IGF1R: variants seen among roughly 807,000 people sequenced by gnomAD.
The protein encoded by IGF1R is insulin-like growth factor 1 receptor.
A neutral mutation model predicts 144.6 loss-of-function variants in IGF1R; 44 were observed. The ratio of observed to expected loss-of-function variants is 0.30; its 90% CI spans 0.24 to 0.39. The LOEUF is 0.39. IGF1R is among the 10% of genes least tolerant of loss of function. IGF1R has a pLI of 1.00. For missense variants in IGF1R, 1,355 were observed against 1,833.7 expected, an observed-to-expected ratio of 0.74 and a Z score of 4.77; for synonymous variants, 795 against 722.8, an observed-to-expected ratio of 1.10 and a Z score of -1.60.
chr15:98,649,018 G>T lies in IGF1R; in HGVS notation c.-564G>T. 1 of 202,950 alleles carries T rather than the reference G, an allele frequency of 4.9e-6. No individual in the cohort carries two copies. The highest frequency in any genetic ancestry group is 1.8e-4 in the South Asian group (1 of 5,456). 12.6% of individuals were successfully genotyped at this position (202,950 alleles called of 1,614,324 possible). A position where few individuals can be genotyped will look rare whatever the true frequency, so the allele number is the denominator to read the frequency against. On this transcript the variant is annotated 5_prime_UTR_variant, in exon 1 of 21. Coordinates refer to ENST00000650285, the MANE Select transcript of IGF1R (RefSeq NM_000875.5). ...CGGCGGCGCTGAGGGAGGAGGCGGCGGCGAGCGGAGCCAGGAGGAGGAGGA... is the reference window on the plus strand; with the variant it reads ...CGGCGGCGCTGAGGGAGGAGGCGGCTGCGAGCGGAGCCAGGAGGAGGAGGA...
At chr15:98,657,034 T>A (rs1389485512) in intron 1 of IGF1R, among the ~76,000 whole-genome samples, 1 of 152,230 alleles carries the variant, frequency 6.6e-6, no homozygotes, top group Non-Finnish European at 1.5e-5. Flanking sequence ...TAACTTGAAA[T>A]TTTTCCTGAT....
At chr15:98,816,389 T>C (rs973079732) in intron 2 of IGF1R, among the ~76,000 whole-genome samples, 1 of 152,228 alleles carries the variant, frequency 6.6e-6, no homozygotes, top group Non-Finnish European at 1.5e-5. Context: ...AGATCCCCCT[T>C]TTCAGGGAGC....
In IGF1R at chr15:98,908,848, C is replaced by T. The variant is rs1441621301; in HGVS notation, c.1411C>T (p.Arg471Cys). Reference protein sequence around the residue: ...RMEEVTGTKGRQSKGDINTRN... With the variant: ...RMEEVTGTKGCQSKGDINTRN... Reference sequence around the variant, plus strand: ...GGAGGAAGTGACGGGGACTAAAGGGCGCCAAAGCAAAGGGGACATAAACAC... The same window carrying T: ...GGAGGAAGTGACGGGGACTAAAGGGTGCCAAAGCAAAGGGGACATAAACAC... The change falls in exon 6 of 21, where the codon CGC becomes TGC. Residue 471 changes from arginine (R) to cysteine (C), a missense_variant. Physicochemically the swap from Arg to Cys is radical, Grantham distance 180. Transcript: ENST00000650285. 2.7e-5 allele frequency: 43 copies of T among 1,613,952 alleles called. No homozygotes were observed. Among genetic ancestry groups the T allele is most frequent in the Non-Finnish European group, 3.5e-5 (41 of 1,180,004 alleles).
intron 1 of IGF1R, among the ~76,000 whole-genome samples, chr15:98,656,258 C>T (rs1322317597): frequency 6.6e-6 from 1 of 152,220 alleles, no homozygotes; most frequent in African/African-American, 2.4e-5. Context: ...GCCTACCTTA[C>T]TGCTCACCTG....
chr15:98,718,689 T>C (rs1375522477), intron 2 of IGF1R, among the ~76,000 whole-genome samples: 1 of 152,230 alleles, frequency 6.6e-6, no homozygotes, highest in Non-Finnish European at 1.5e-5. Flanking sequence ...GGACGTGTTT[T>C]AGCAGCTGCT....
intron 2 of IGF1R, among the ~76,000 whole-genome samples, chr15:98,816,032 T>C (rs2056689987): frequency 6.6e-6 from 1 of 152,212 alleles, no homozygotes; most frequent in Non-Finnish European, 1.5e-5. Flanking sequence ...GGGAGGTCCC[T>C]TTCTCCTTTG....
intron 2 of IGF1R, among the ~76,000 whole-genome samples, chr15:98,786,877 C>T (rs990139807): frequency 1.7e-4 from 26 of 152,238 alleles, no homozygotes; most frequent in African/African-American, 5.1e-4. Flanking sequence ...ACTTTGTTGC[C>T]GTCCTAACCT....
rs111731030 is a variant in IGF1R at position 98,947,851 on chromosome 15, G to A, written c.3588-723G>A. ...GACACAGAGGCCCTGCAGGCCAGCA[G>A]CTCCCCAGCTCTGTTGTGGGTGGGG... is the stretch of plus-strand genomic sequence containing the variant. On this transcript the variant is annotated intron_variant, in intron 19 of 20. Coordinates refer to ENST00000650285, the MANE Select transcript of IGF1R (RefSeq NM_000875.5). 1.4e-4 allele frequency among the ~76,000 whole-genome samples: 22 copies of A among 152,304 alleles called. 1 individual carries two copies. The highest frequency in any genetic ancestry group is 4.8e-4 in the African/African-American group (20 of 41,556).
intron 1 of IGF1R, among the ~76,000 whole-genome samples, chr15:98,689,855 G>A (rs1054271777): frequency 2.0e-5 from 3 of 152,154 alleles, no homozygotes; most frequent in Non-Finnish European, 4.4e-5. Context: ...CTCTGAGGGT[G>A]CTTGCTCCCT....
At chr15:98,807,562 C>T (rs1194477303) in intron 2 of IGF1R, among the ~76,000 whole-genome samples, 1 of 152,206 alleles carries the variant, frequency 6.6e-6, no homozygotes, top group East Asian at 1.9e-4. Flanking sequence ...CACTCAGCAG[C>T]CAGATGGGAT....
intron 5 of IGF1R, among the ~76,000 whole-genome samples, chr15:98,899,865 G>T (rs2014391697): frequency 6.6e-6 from 1 of 152,148 alleles, no homozygotes; most frequent in African/African-American, 2.4e-5. Context: ...ATCAGTCAAG[G>T]GTTGCGTGTC....
intron 2 of IGF1R, among the ~76,000 whole-genome samples, chr15:98,737,063 AG>A (rs1182809273): frequency 6.6e-6 from 1 of 152,232 alleles, no homozygotes; most frequent in African/African-American, 2.4e-5. Context: ...CAGTCCCTGA[AG>A]ATAGTCTTTT....
intron 2 of IGF1R, among the ~76,000 whole-genome samples, chr15:98,853,326 G>T (rs190644804): frequency 6.6e-6 from 1 of 152,178 alleles, no homozygotes; most frequent in Non-Finnish European, 1.5e-5. Flanking sequence ...TGTGATAGGG[G>T]CGTAGTGGAC....
At position 98,731,751 on chromosome 15, in the gene IGF1R, G is replaced by A. The variant is rs1344533619; in HGVS notation, c.640+23644G>A. Among the ~76,000 whole-genome samples the A allele has an allele frequency of 2.0e-5, 3 of 152,342 alleles. No individual in the cohort carries two copies. In the East Asian group the frequency reaches 5.8e-4, roughly 29 times the overall value. On this transcript the variant is annotated intron_variant, in intron 2 of 20. Coordinates refer to ENST00000650285, the MANE Select transcript of IGF1R (RefSeq NM_000875.5). ...CTGTGTTAGCTCTTCTCTGGTTAGA[G>A]GCATACAGGTTGGAGGCTTGTACAT...
At chr15:98,797,825 A>C (rs193271218) in intron 2 of IGF1R, among the ~76,000 whole-genome samples, 37 of 152,272 alleles carry the variant, frequency 2.4e-4, no homozygotes, top group African/African-American at 8.9e-4. Context: ...AACAGACAAC[A>C]AACAAGTAGA....
chr15:98,741,446 G>A (rs45539940), intron 2 of IGF1R, among the ~76,000 whole-genome samples: 5,630 of 152,088 alleles, frequency 0.037, 118 homozygotes, highest in East Asian at 0.052. Context: ...TCTTCAGCAG[G>A]TAGTGGGAGG....
intron 2 of IGF1R, among the ~76,000 whole-genome samples, chr15:98,749,098 A>G (rs554416876): frequency 2.0e-5 from 3 of 150,278 alleles, no homozygotes; most frequent in Admixed American, 6.6e-5. Context: ...ACTATTGCCT[A>G]TTTCTTTCCT....
At position 98,961,487 on chromosome 15, in the gene IGF1R, C is replaced by G. The variant is rs745782070; in HGVS notation, c.*4045C>G. On this transcript the variant is annotated 3_prime_UTR_variant, in exon 21 of 21. Coordinates refer to ENST00000650285, the MANE Select transcript of IGF1R (RefSeq NM_000875.5). ...CACCTTGACTATACCAAGGCATCAT[C>G]TATCCACAGTTCTAGCCTAACTTCA... is the stretch of plus-strand genomic sequence containing the variant. 2 of 233,424 alleles carry G rather than the reference C, an allele frequency of 8.6e-6. No homozygotes were observed. The highest frequency in any genetic ancestry group is 6.0e-5 in the East Asian group (1 of 16,598). The allele number at this position is 233,424 out of a possible 1,614,324, so 14.5% of individuals were successfully genotyped here. A position where few individuals can be genotyped will look rare whatever the true frequency, so the allele number is the denominator to read the frequency against.
intron 2 of IGF1R, among the ~76,000 whole-genome samples, chr15:98,784,217 G>A (rs1260884640): frequency 1.3e-5 from 2 of 151,896 alleles, no homozygotes; most frequent in South Asian, 4.2e-4. Flanking sequence ...TTACAGGCGT[G>A]AGCCACCGTG....
Sources: gnomAD v4.1 joint callset for allele counts (sites outside exome capture counted in the v4.1 genomes callset) on GRCh38, gnomAD v4.1.1 for gene constraint, MANE v1.5 for transcripts, NCBI Gene and HGNC (gene_info 2026-07-23, HGNC 2026-07-21) for gene names.